Variants in CLNK observed in about 807,000 individuals in gnomAD.
CLNK encodes cytokine dependent hematopoietic cell linker, also known as cytokine-dependent hematopoietic cell linker.
CLNK carries 74 observed loss-of-function variants against 68.6 expected under a neutral mutation model. The observed-to-expected ratio is 1.08, with a 90% CI of 0.89 to 1.31. CLNK has a LOEUF of 1.31. Ranked by LOEUF, CLNK falls within the 50% of genes most tolerant of loss-of-function variation. CLNK has a pLI of 0.00. For missense variants in CLNK, 553 were observed against 515.3 expected, an observed-to-expected ratio of 1.07 and a Z score of -0.71; for synonymous variants, 198 against 172.2, an observed-to-expected ratio of 1.15 and a Z score of -1.17.
intron 8 of CLNK, among the ~76,000 whole-genome samples, chr4:10,548,116 G>A (rs1304299796): frequency 1.3e-5 from 2 of 152,144 alleles, no homozygotes; most frequent in African/African-American, 2.4e-5. Context: ...CTGTGTGCAA[G>A]GGATCGCTTT....
intron 2 of CLNK, chr4:10,635,665 G>C (rs963123575): frequency 6.6e-6 from 1 of 152,120 alleles, no homozygotes; most frequent in Non-Finnish European, 1.5e-5. Flanking sequence ...ATACATTCTA[G>C]ACTATCTCAG....
intron 2 of CLNK, among the ~76,000 whole-genome samples, chr4:10,636,204 T>C (rs1360886533): frequency 6.6e-6 from 1 of 152,206 alleles, no homozygotes; most frequent in Non-Finnish European, 1.5e-5. Flanking sequence ...TTTGCAGAAG[T>C]AATTAAGATA....
intron 7 of CLNK, among the ~76,000 whole-genome samples, chr4:10,560,237 ACTGTG>A (rs1380871640): frequency 2.0e-5 from 3 of 152,060 alleles, no homozygotes; most frequent in Non-Finnish European, 4.4e-5. Flanking sequence ...CCTCCCTTAG[ACTGTG>A]GGCACTGGCT....
chr4:10,700,607 G>A, the CLNK span, among the ~76,000 whole-genome samples: 12 of 152,178 alleles, frequency 7.9e-5, no homozygotes, highest in Non-Finnish European at 1.8e-4. Flanking sequence ...GGATTTCTTA[G>A]TTATGCAGCT....
intron 2 of CLNK, among the ~76,000 whole-genome samples, chr4:10,660,753 C>T (rs986386492): frequency 1.3e-5 from 2 of 152,170 alleles, no homozygotes; most frequent in Non-Finnish European, 2.9e-5. Flanking sequence ...ATCCTCTATT[C>T]CCTCATCACC....
At chr4:10,621,613 G>C (rs1722462589) in intron 2 of CLNK, among the ~76,000 whole-genome samples, 1 of 152,176 alleles carries the variant, frequency 6.6e-6, no homozygotes, top group African/African-American at 2.4e-5. Flanking sequence ...CCTTAGATTT[G>C]ATAAGCCAAT....
the CLNK span, among the ~76,000 whole-genome samples, chr4:10,729,914 A>G: frequency 6.6e-6 from 1 of 152,338 alleles, no homozygotes; most frequent in African/African-American, 2.4e-5. Flanking sequence ...AACGGTTACT[A>G]TATTCAGTAT....
At chr4:10,578,573 C>T (rs1460683942) in intron 4 of CLNK, among the ~76,000 whole-genome samples, 1 of 122,362 alleles carries the variant, frequency 8.2e-6, no homozygotes, top group Non-Finnish European at 1.7e-5. Flanking sequence ...ACTTGGCTTA[C>T]CTTATCTTTT....
the CLNK span, among the ~76,000 whole-genome samples, chr4:10,716,965 G>A: frequency 0.42 from 64,013 of 151,372 alleles, 14,542 homozygotes; most frequent in East Asian, 0.58. Context: ...AAGTGCTGGA[G>A]TTACAGACAG....
intron 2 of CLNK, among the ~76,000 whole-genome samples, chr4:10,598,436 G>C (rs1227383898): frequency 6.6e-6 from 1 of 152,158 alleles, no homozygotes; most frequent in Non-Finnish European, 1.5e-5. Context: ...GTTGATGAGA[G>C]GCTGTTAAGA....
chr4:10,627,812 C>T (rs894166212), intron 2 of CLNK, among the ~76,000 whole-genome samples: 2 of 152,222 alleles, frequency 1.3e-5, no homozygotes. Context: ...TACAGACTGC[C>T]TGAGCCCCTC....
At chr4:10,500,692 A>G (rs559532085) in intron 18 of CLNK, among the ~76,000 whole-genome samples, 6 of 150,920 alleles carry the variant, frequency 4.0e-5, no homozygotes, top group South Asian at 2.1e-4. Flanking sequence ...AAAAATGCAG[A>G]TAGACTAGGC....
intron 5 of CLNK, among the ~76,000 whole-genome samples, chr4:10,571,269 C>T (rs973227360): frequency 1.4e-5 from 2 of 145,022 alleles, no homozygotes; most frequent in East Asian, 4.1e-4. Context: ...TGCAGTTTTT[C>T]TTGCCAGGAA....
At chr4:10,621,363 A>T (rs958332547) in intron 2 of CLNK, among the ~76,000 whole-genome samples, 6 of 152,190 alleles carry the variant, frequency 3.9e-5, no homozygotes, top group African/African-American at 9.7e-5. Context: ...AAGATAGCTG[A>T]CATGTATTAA....
chr4:10,689,497 A>C (rs1191301961), upstream of CLNK, among the ~76,000 whole-genome samples: 1 of 152,056 alleles, frequency 6.6e-6, no homozygotes. Context: ...GGTTTGGGTA[A>C]ACACCCTGAC....
intron 8 of CLNK, among the ~76,000 whole-genome samples, chr4:10,557,307 C>A (rs931822381): frequency 5.9e-5 from 9 of 152,054 alleles, no homozygotes; most frequent in Admixed American, 5.9e-4. Context: ...GGACACTGAC[C>A]AGTAGGGACA....
chr4:10,612,741 G>T (rs1376540133), intron 2 of CLNK, among the ~76,000 whole-genome samples: 1 of 152,106 alleles, frequency 6.6e-6, no homozygotes. Context: ...TAGAGACATG[G>T]GTTTTCAAAG....
intron 16 of CLNK, among the ~76,000 whole-genome samples, chr4:10,510,368 C>A (rs1717526299): frequency 6.6e-6 from 1 of 152,120 alleles, no homozygotes; most frequent in South Asian, 2.1e-4. Context: ...AAGAGCAGTC[C>A]TTATGCTGAC....
the CLNK span, among the ~76,000 whole-genome samples, chr4:10,694,656 A>G: frequency 6.6e-6 from 1 of 152,184 alleles, no homozygotes; most frequent in Non-Finnish European, 1.5e-5. Flanking sequence ...CAATGTTTGC[A>G]CAACTATGAA....
Sources: gnomAD v4.1 joint callset for allele counts (sites outside exome capture counted in the v4.1 genomes callset) on GRCh38, gnomAD v4.1.1 for gene constraint, MANE v1.5 for transcripts, NCBI Gene and HGNC (gene_info 2026-07-23, HGNC 2026-07-21) for gene names.